Variants in RFC3 observed in about 807,000 individuals in gnomAD.
The protein encoded by RFC3 is replication factor C subunit 3.
A neutral mutation model predicts 45.1 loss-of-function variants in RFC3; 41 were observed. The ratio of observed to expected loss-of-function variants is 0.91; its 90% CI spans 0.71 to 1.18. The LOEUF (loss-of-function observed/expected upper bound fraction) is 1.18, where lower values mean the gene tolerates loss of function less well. Ranked by LOEUF, RFC3 falls within the 50% of genes most tolerant of loss-of-function variation. The pLI is 0.00. For missense variants in RFC3, 423 were observed against 428.1 expected (o/e 0.99, Z 0.10); for synonymous variants, 149 against 144.0 (o/e 1.03, Z -0.25).
At chr13:33,864,257 C>A (rs1232484261) in intron 8 of RFC3, among the ~76,000 whole-genome samples, 1 of 152,140 alleles carries the variant, frequency 6.6e-6, no homozygotes, top group Non-Finnish European at 1.5e-5. Flanking sequence ...ACCCAAACAC[C>A]CCCTCCCACT....
At chr13:33,861,749 C>T (rs549208086) in intron 8 of RFC3, among the ~76,000 whole-genome samples, 2 of 152,076 alleles carry the variant, frequency 1.3e-5, no homozygotes, top group African/African-American at 4.8e-5. Flanking sequence ...TGTGAGAACA[C>T]GCACACCTCT....
intron 8 of RFC3, among the ~76,000 whole-genome samples, chr13:33,857,872 C>A (rs1051452062): frequency 1.3e-5 from 2 of 152,110 alleles, no homozygotes; most frequent in African/African-American, 2.4e-5. Context: ...TTAAGGACAG[C>A]ATGAAGAGAA....
chr13:33,899,221 A>AAAAAAAAAAAAAAAAAAAC (rs1566021367), intron 8 of RFC3, among the ~76,000 whole-genome samples: 1 of 149,284 alleles, frequency 6.7e-6, no homozygotes, highest in Non-Finnish European at 1.5e-5. Context: ...AAAAAAAAAA[A>AAAAAAAAAAAAAAAAAAAC]AAAAAAAAGA....
At chr13:33,847,606 T>C (rs954809409) in intron 8 of RFC3, 21 of 152,146 alleles carry the variant, frequency 1.4e-4, no homozygotes, top group African/African-American at 4.1e-4. Flanking sequence ...ATCATTCATA[T>C]ACCTCACATC....
chr13:33,964,444 A>T (rs1235168212), intron 8 of RFC3, among the ~76,000 whole-genome samples: 1 of 152,172 alleles, frequency 6.6e-6, no homozygotes, highest in Non-Finnish European at 1.5e-5. Flanking sequence ...TGGATCCCCA[A>T]ATCATTCTGT....
At chr13:33,874,511 G>A (rs1322776994) in intron 8 of RFC3, among the ~76,000 whole-genome samples, 1 of 152,160 alleles carries the variant, frequency 6.6e-6, no homozygotes, top group African/African-American at 2.4e-5. Flanking sequence ...TGGAGACGGG[G>A]TTTCACCACA....
chr13:33,845,810 T>A lies in RFC3; in HGVS notation c.879+10593T>A, dbSNP rs142607422. Among the ~76,000 whole-genome samples, 1,487 of 152,322 alleles carry A rather than the reference T, an allele frequency of 9.8e-3. 22 individuals carry two copies. The highest frequency in any genetic ancestry group is 0.013 in the Non-Finnish European group (869 of 68,026). On this transcript the variant is annotated intron_variant, in intron 8 of 8. Transcript: ENST00000434425. The stretch of plus-strand genomic sequence containing the variant: ...GTAGTTTGTTTGGTGAGGTCATGTT[T>A]CCTGGATGACCCTGCTGCTTGTAGA...
intron 4 of RFC3, 67 bp from the exon 5 acceptor site, chr13:33,829,768 GA>G (rs1202604966): frequency 2.5e-6 from 3 of 1,203,912 alleles, no homozygotes; most frequent in African/African-American, 1.5e-5. Flanking sequence ...TAATGAGAAG[GA>G]AGAAAGAGAC....
intron 8 of RFC3, among the ~76,000 whole-genome samples, chr13:33,860,331 G>A (rs77315171): frequency 0.012 from 1,763 of 151,990 alleles, 38 homozygotes; most frequent in African/African-American, 0.041. Context: ...GAGGATGGAG[G>A]CTTTTGGCCA....
At chr13:33,911,849 A>G (rs2137702299) in intron 8 of RFC3, among the ~76,000 whole-genome samples, 1 of 152,180 alleles carries the variant, frequency 6.6e-6, no homozygotes, top group South Asian at 2.1e-4. Flanking sequence ...TCCCAATACC[A>G]TTATATTGGG....
chr13:33,929,274 G>A (rs1299764567), intron 8 of RFC3, among the ~76,000 whole-genome samples: 7 of 152,014 alleles, frequency 4.6e-5, no homozygotes, highest in Non-Finnish European at 8.8e-5. Context: ...AGTAGTTGAT[G>A]TATCTTCTTT....
At chr13:33,903,374 T>TA (rs1233493980) in intron 8 of RFC3, among the ~76,000 whole-genome samples, 3 of 151,982 alleles carry the variant, frequency 2.0e-5, no homozygotes, top group African/African-American at 4.8e-5. Context: ...ACAGTAGGTG[T>TA]AAAAAAAATC....
At chr13:33,964,322 G>A (rs2083074974) in intron 8 of RFC3, among the ~76,000 whole-genome samples, 1 of 152,168 alleles carries the variant, frequency 6.6e-6, no homozygotes, top group Admixed American at 6.6e-5. Flanking sequence ...TCAATCATAA[G>A]CTATAATGAA....
At chr13:33,845,001 G>T (rs1296696111) in intron 8 of RFC3, among the ~76,000 whole-genome samples, 1 of 152,132 alleles carries the variant, frequency 6.6e-6, no homozygotes, top group Non-Finnish European at 1.5e-5. Flanking sequence ...TTGTTTATCT[G>T]GGAAAGTCTA....
At chr13:33,893,935 G>T (rs1285977423) in intron 8 of RFC3, among the ~76,000 whole-genome samples, 12 of 152,084 alleles carry the variant, frequency 7.9e-5, no homozygotes. Flanking sequence ...TTCAGCAAGA[G>T]CAAGGAGTAG....
downstream of RFC3, among the ~76,000 whole-genome samples, chr13:33,970,979 A>G (rs921945971): frequency 2.2e-4 from 34 of 152,366 alleles, no homozygotes; most frequent in African/African-American, 7.9e-4. Context: ...GTATGAGCCA[A>G]GCCTTGACAT....
chr13:33,935,893 G>T (rs2082883129), intron 8 of RFC3, among the ~76,000 whole-genome samples: 1 of 152,194 alleles, frequency 6.6e-6, no homozygotes, highest in Non-Finnish European at 1.5e-5. Context: ...GACCTGGTAG[G>T]GGAAAATGTG....
chr13:33,951,956 T>G (rs2082993893), intron 8 of RFC3, among the ~76,000 whole-genome samples: 1 of 152,236 alleles, frequency 6.6e-6, no homozygotes, highest in Non-Finnish European at 1.5e-5. Flanking sequence ...CAATTGGAAG[T>G]CAAGATTCAC....
intron 8 of RFC3, among the ~76,000 whole-genome samples, chr13:33,907,634 T>C (rs2082679352): frequency 2.6e-5 from 4 of 152,092 alleles, no homozygotes; most frequent in Admixed American, 2.6e-4. Flanking sequence ...AATTTAAATA[T>C]TGATACTAAT....
Sources: allele counts gnomAD v4.1 joint callset (sites outside exome capture counted in the v4.1 genomes callset), GRCh38; gene constraint gnomAD v4.1.1; transcripts MANE v1.5; gene names NCBI Gene and HGNC (gene_info 2026-07-23, HGNC 2026-07-21).